DYNC2H1: variants seen among roughly 807,000 people sequenced by gnomAD.
DYNC2H1 encodes the protein dynein cytoplasmic 2 heavy chain 1.
A neutral mutation model predicts 570.0 loss-of-function variants in DYNC2H1; 410 were observed. The observed-to-expected ratio is 0.72, with a 90% CI of 0.66 to 0.78. The LOEUF is 0.78. Ranked by LOEUF, DYNC2H1 falls within the 30% of genes least tolerant of loss-of-function variation. DYNC2H1 has a pLI of 0.00. For synonymous variants in DYNC2H1, 1,688 were observed against 1,677.6 expected (o/e 1.01, Z -0.15); for missense variants, 4,865 against 5,046.4 (o/e 0.96, Z 1.09).
intron 83 of DYNC2H1, among the ~76,000 whole-genome samples, chr11:103,379,169 A>G (rs1015160382): frequency 6.6e-6 from 1 of 152,106 alleles, no homozygotes; most frequent in Non-Finnish European, 1.5e-5. Context: ...TGCAGCCAAA[A>G]TCTCTCCCTA....
At chr11:103,379,512 A>G (rs940765742) in intron 83 of DYNC2H1, among the ~76,000 whole-genome samples, 1 of 152,146 alleles carries the variant, frequency 6.6e-6, no homozygotes. Flanking sequence ...TCCCAAAGCC[A>G]TTACCATGAC....
chr11:103,220,350 A>C (rs187319797), intron 56 of DYNC2H1, among the ~76,000 whole-genome samples: 1 of 152,278 alleles, frequency 6.6e-6, no homozygotes, highest in East Asian at 1.9e-4. Context: ...TAGTCCTAGG[A>C]TATAAAGAGC....
chr11:103,327,613 A>G (rs1032746898), intron 82 of DYNC2H1, among the ~76,000 whole-genome samples: 2 of 152,290 alleles, frequency 1.3e-5, no homozygotes, highest in African/African-American at 4.8e-5. Flanking sequence ...CAATTATCTA[A>G]TGAAGGTAAT....
At chr11:103,200,955 TA>T (rs1385107729) in intron 50 of DYNC2H1, among the ~76,000 whole-genome samples, 2 of 152,074 alleles carry the variant, frequency 1.3e-5, no homozygotes, top group African/African-American at 4.8e-5. Flanking sequence ...GCCTCCTGAG[TA>T]GCTGGGATTA....
intron 83 of DYNC2H1, among the ~76,000 whole-genome samples, chr11:103,392,746 T>C (rs1942217595): frequency 6.6e-6 from 1 of 152,078 alleles, no homozygotes; most frequent in Non-Finnish European, 1.5e-5. Context: ...AGATAAACTT[T>C]TCAGTGTAAG....
chr11:103,244,122 G>A lies in DYNC2H1; in HGVS notation c.9918+331G>A, dbSNP rs1320246983. ...ACAAGTATAAGCTGCTGTAGAAGTA[G>A]GAGCTTTTAAGTTAGCTTGGAGAAT... On this transcript the variant is annotated intron_variant, in intron 64 of 88. Transcript: ENST00000375735. This position sits in a 1 kb window ranked among gnomAD's most constrained non-coding sequence, Gnocchi z 4.3. 6.6e-6 allele frequency among the ~76,000 whole-genome samples: 1 copy of A among 152,066 alleles called. No individual in the cohort carries two copies. Among genetic ancestry groups the A allele is most frequent in the Non-Finnish European group, 1.5e-5 (1 of 67,966 alleles).
Position 103,446,640 on chromosome 11 carries a change from A to C in DYNC2H1, c.12457-8546A>C, listed in dbSNP as rs566085523. Among the ~76,000 whole-genome samples, 17 of 152,334 alleles carry C rather than the reference A, an allele frequency of 1.1e-4. 1 individual carries two copies. In the South Asian group the frequency reaches 3.5e-3, roughly 32 times the overall value. ...CACAGATGAATAGAGTGAGACTGAC[A>C]GGGAGAAGAGCCAAAGGAATTTTTT... On this transcript the variant is annotated intron_variant, in intron 85 of 88. Transcript: ENST00000375735. The surrounding 1 kb of genome is among the most constrained non-coding windows in gnomAD (Gnocchi z 4.5).
At position 103,334,546 on chromosome 11, in the gene DYNC2H1, T is replaced by C. The variant is rs1939014305; in HGVS notation, c.12039+10556T>C. Among the ~76,000 whole-genome samples, 1 of 152,142 alleles carries C rather than the reference T, an allele frequency of 6.6e-6. No homozygotes were observed. Among genetic ancestry groups the C allele is most frequent in the African/African-American group, 2.4e-5 (1 of 41,454 alleles). ...TTACCAAAAACAGTTTTAGTTGGCA[T>C]TTTATTACTTTTTAAAATAAATTCA... On this transcript the variant is annotated intron_variant, in intron 82 of 88. Transcript: ENST00000375735. This position sits in a 1 kb window ranked among gnomAD's most constrained non-coding sequence, Gnocchi z 4.3.
At chr11:103,144,393 A>T (rs1164771580) in intron 18 of DYNC2H1, among the ~76,000 whole-genome samples, 1 of 152,196 alleles carries the variant, frequency 6.6e-6, no homozygotes. Context: ...TCTATATTCC[A>T]TATTAAAACT....
At chr11:103,441,554 G>A (rs1311521859) in intron 85 of DYNC2H1, among the ~76,000 whole-genome samples, 1 of 151,878 alleles carries the variant, frequency 6.6e-6, no homozygotes, top group African/African-American at 2.4e-5. Context: ...ACAGTAACTT[G>A]TACAAATAGG....
intron 38 of DYNC2H1, 38 bp from the exon 39 acceptor site, chr11:103,178,987 TA>T (rs1861739738): frequency 6.4e-7 from 1 of 1,555,968 alleles, no homozygotes; most frequent in Non-Finnish European, 8.8e-7. Flanking sequence ...TCACTGCATA[TA>T]TTTTTATTTT....
chr11:103,433,608 A>G (rs1377978655), intron 84 of DYNC2H1, among the ~76,000 whole-genome samples: 1 of 152,118 alleles, frequency 6.6e-6, no homozygotes. Flanking sequence ...TCATGTTTAA[A>G]AACTGCCACA....
At chr11:103,236,312 A>G in intron 62 of DYNC2H1, 118 bp from the exon 63 acceptor site, 1 of 651,394 alleles carries the variant, frequency 1.5e-6, no homozygotes, top group Admixed American at 2.8e-5. Flanking sequence ...ATGTGGAAGA[A>G]TGGGTTTCAA....
chr11:103,429,460 TAA>T (rs35004115), intron 84 of DYNC2H1, among the ~76,000 whole-genome samples: 21 of 150,668 alleles, frequency 1.4e-4, no homozygotes, highest in South Asian at 2.1e-4. Context: ...TCTGTACTGA[TAA>T]AAAAAAAAAT....
chr11:103,146,946 TATC>T (rs1163049343), intron 18 of DYNC2H1, among the ~76,000 whole-genome samples: 2 of 152,184 alleles, frequency 1.3e-5, no homozygotes, highest in Non-Finnish European at 1.5e-5. Flanking sequence ...TTTTCCATGT[TATC>T]ATCTGCACAT....
chr11:103,435,157 G>A (rs1944017029), intron 84 of DYNC2H1, among the ~76,000 whole-genome samples: 1 of 151,988 alleles, frequency 6.6e-6, no homozygotes, highest in Admixed American at 6.6e-5. Context: ...TCTAAATTTG[G>A]TCATCTTACA....
chr11:103,284,246 G>A (rs561103498), intron 73 of DYNC2H1, among the ~76,000 whole-genome samples: 1 of 151,908 alleles, frequency 6.6e-6, no homozygotes, highest in South Asian at 2.1e-4. Flanking sequence ...TTGCTCCTTG[G>A]CTATAAATTT....
chr11:103,300,638 G>A (rs983343859), intron 75 of DYNC2H1, among the ~76,000 whole-genome samples: 6 of 151,880 alleles, frequency 4.0e-5, no homozygotes, highest in African/African-American at 1.4e-4. Context: ...AACTCAAAAT[G>A]TTTTATTGCT....
intron 84 of DYNC2H1, among the ~76,000 whole-genome samples, chr11:103,408,731 A>G (rs11225777): frequency 0.51 from 77,263 of 151,416 alleles, 19,983 homozygotes; most frequent in African/African-American, 0.62. Flanking sequence ...ATAGGATTAC[A>G]CTGTTATCCG....
Sources: gnomAD v4.1 joint callset for allele counts (sites outside exome capture counted in the v4.1 genomes callset) on GRCh38, gnomAD v4.1.1 for gene constraint, Gnocchi (gnomAD v3.1) non-coding constraint, MANE v1.5 for transcripts, NCBI Gene and HGNC (gene_info 2026-07-23, HGNC 2026-07-21) for gene names.